The following HS6ST2 variants were observed in gnomAD, a reference collection of about 807,000 sequenced individuals.
HS6ST2 encodes the protein heparan sulfate 6-O-sulfotransferase 2.
A neutral mutation model predicts 33.0 loss-of-function variants in HS6ST2; 17 were observed. That is an observed-to-expected ratio of 0.52 (90% CI 0.35 to 0.77). The LOEUF is 0.77. Ranked by LOEUF, HS6ST2 falls within the 30% of genes least tolerant of loss-of-function variation. The pLI is 0.01. For missense variants in HS6ST2, 519 were observed against 551.7 expected (o/e 0.94, Z 0.59); for synonymous variants, 248 against 237.1 (o/e 1.05, Z -0.42).
chrX:132,910,736 C>T (rs1327227552), intron 2 of HS6ST2, among the ~76,000 whole-genome samples: 3 of 111,712 alleles, frequency 2.7e-5, no homozygotes, highest in African/African-American at 9.8e-5. Context: ...TGTTCCAGGG[C>T]GTATCCAACA....
At chrX:132,744,081 C>T (rs1387166454) in intron 2 of HS6ST2, among the ~76,000 whole-genome samples, 1 of 111,719 alleles carries the variant, frequency 9.0e-6, no homozygotes, top group Non-Finnish European at 1.9e-5. Context: ...AGCCACCATG[C>T]CTGGCCTGCA....
chrX:132,919,985 T>C (rs1222059018), intron 2 of HS6ST2, among the ~76,000 whole-genome samples: 1 of 111,620 alleles, frequency 9.0e-6, no homozygotes, highest in East Asian at 2.8e-4. Context: ...ACCCCCGTGA[T>C]TAGTTGCTAA....
rs192582925 is a variant in HS6ST2, at chrX:132,838,037, C to T, written c.947+118771G>A. On this transcript the variant is annotated intron_variant, in intron 2 of 4. Coordinates refer to ENST00000370833, the MANE Select transcript of HS6ST2 (RefSeq NM_001394073.1). ...ATTTAGTCTGATGCAGCATGTTTTA[C>T]AGCAATTATGTTTTTATGGCTGTAT... 1.7e-3 allele frequency among the ~76,000 whole-genome samples: 194 copies of T among 112,133 alleles called. 1 individual carries two copies. Among genetic ancestry groups the T allele is most frequent in the African/African-American group, 6.1e-3 (189 of 30,871 alleles).
At chrX:132,914,675 C>A (rs2066567032) in intron 2 of HS6ST2, among the ~76,000 whole-genome samples, 1 of 111,909 alleles carries the variant, frequency 8.9e-6, no homozygotes, top group African/African-American at 3.2e-5. Flanking sequence ...ACCAACACAA[C>A]AGCCCTGACC....
At chrX:132,812,998 TA>T (rs1443796767) in intron 2 of HS6ST2, among the ~76,000 whole-genome samples, 1 of 110,470 alleles carries the variant, frequency 9.1e-6, no homozygotes, top group Non-Finnish European at 1.9e-5. Flanking sequence ...TCTCCATAAT[TA>T]AAAAAAAGTT....
At chrX:132,636,691 G>A (rs148615711) in intron 4 of HS6ST2, among the ~76,000 whole-genome samples, 1 of 111,587 alleles carries the variant, frequency 9.0e-6, no homozygotes, top group African/African-American at 3.3e-5. Flanking sequence ...ATCTACCTGA[G>A]AGAACTATTT....
chrX:132,906,951 C>T (rs1449160713), intron 2 of HS6ST2, among the ~76,000 whole-genome samples: 1 of 111,706 alleles, frequency 9.0e-6, no homozygotes, highest in Non-Finnish European at 1.9e-5. Context: ...AGGCATGAGC[C>T]GCCATGCCCA....
intron 2 of HS6ST2, among the ~76,000 whole-genome samples, chrX:132,933,050 G>A (rs2066791227): frequency 9.1e-6 from 1 of 109,641 alleles, no homozygotes; most frequent in South Asian, 3.9e-4. Context: ...GCAAGGGCTG[G>A]GTGCAGTGGC....
intron 2 of HS6ST2, among the ~76,000 whole-genome samples, chrX:132,725,880 C>A (rs936792322): frequency 1.8e-5 from 2 of 111,274 alleles, no homozygotes; most frequent in African/African-American, 6.5e-5. Context: ...GGAACTGGGC[C>A]ATTATGCTAA....
intron 2 of HS6ST2, among the ~76,000 whole-genome samples, chrX:132,846,178 T>C (rs776086422): frequency 1.8e-5 from 2 of 112,670 alleles, no homozygotes; most frequent in South Asian, 7.4e-4. Context: ...CATTCTTAGT[T>C]TGTGTGCCAC....
intron 2 of HS6ST2, among the ~76,000 whole-genome samples, chrX:132,791,866 C>T (rs1182820489): frequency 9.1e-6 from 1 of 109,997 alleles, no homozygotes; most frequent in Non-Finnish European, 1.9e-5. Flanking sequence ...ACTTGTAGTT[C>T]CAGCTACTTG....
At chrX:132,713,113 A>C (rs1414439150) in intron 2 of HS6ST2, among the ~76,000 whole-genome samples, 2 of 111,300 alleles carry the variant, frequency 1.8e-5, no homozygotes, top group Non-Finnish European at 3.8e-5. Context: ...CATCTTTAAC[A>C]ACAGATATGG....
At chrX:132,632,462 T>C (rs757470696) in intron 4 of HS6ST2, among the ~76,000 whole-genome samples, 2 of 110,710 alleles carry the variant, frequency 1.8e-5, no homozygotes, top group African/African-American at 6.6e-5. Flanking sequence ...GAAGAGCTTT[T>C]AGGGCAATAT....
chrX:132,953,367 T>C (rs1758205006), intron 2 of HS6ST2, among the ~76,000 whole-genome samples: 1 of 111,429 alleles, frequency 9.0e-6, no homozygotes, highest in Admixed American at 9.5e-5. Flanking sequence ...CCAAGCTCTC[T>C]CTCTCTCTCT....
intron 4 of HS6ST2, among the ~76,000 whole-genome samples, chrX:132,629,706 C>T (rs1470916682): frequency 4.5e-5 from 5 of 111,963 alleles, no homozygotes; most frequent in Non-Finnish European, 9.4e-5. Flanking sequence ...ATGGCTCATA[C>T]ATTATGGAAG....
At chrX:132,828,238 A>T (rs1428667798) in intron 2 of HS6ST2, among the ~76,000 whole-genome samples, 1 of 110,418 alleles carries the variant, frequency 9.1e-6, no homozygotes, top group Non-Finnish European at 1.9e-5. Context: ...TTTCTGTAAC[A>T]CACCTTCATT....
At chrX:132,951,770 T>G (rs2067018869) in intron 2 of HS6ST2, among the ~76,000 whole-genome samples, 1 of 112,329 alleles carries the variant, frequency 8.9e-6, no homozygotes, top group African/African-American at 3.2e-5. Context: ...CTCCATCTGC[T>G]TTGCCGATTA....
chrX:132,922,218 T>C (rs1021064889), intron 2 of HS6ST2, among the ~76,000 whole-genome samples: 2 of 111,485 alleles, frequency 1.8e-5, no homozygotes, highest in Non-Finnish European at 3.8e-5. Flanking sequence ...CTGGCTAACA[T>C]GGTGAAACCC....
intron 3 of HS6ST2, among the ~76,000 whole-genome samples, chrX:132,685,398 T>C (rs946323166): frequency 2.7e-5 from 3 of 111,795 alleles, no homozygotes; most frequent in Non-Finnish European, 5.6e-5. Context: ...CCATCCAGAT[T>C]GTTGGAAGGA....
Sources: gnomAD v4.1 joint callset for allele counts (sites outside exome capture counted in the v4.1 genomes callset) on GRCh38, gnomAD v4.1.1 for gene constraint, MANE v1.5 for transcripts, NCBI Gene and HGNC (gene_info 2026-07-23, HGNC 2026-07-21) for gene names.